PRKG2: variants seen among roughly 807,000 people sequenced by gnomAD.
PRKG2 encodes cGMP-dependent protein kinase 2.
In PRKG2, 33 loss-of-function variants were observed where a neutral mutation model predicts 97.2. That is an observed-to-expected ratio of 0.34 (90% CI 0.26 to 0.45). The LOEUF is 0.45. Ranked by LOEUF, PRKG2 falls within the 20% of genes least tolerant of loss-of-function variation. The pLI is 1.00. For synonymous variants in PRKG2, 330 were observed against 321.8 expected (o/e 1.03, Z -0.27); for missense variants, 638 against 900.0 (o/e 0.71, Z 3.73).
intron 9 of PRKG2, among the ~76,000 whole-genome samples, chr4:81,148,524 A>C (rs1372628855): frequency 6.6e-6 from 1 of 152,192 alleles, no homozygotes; most frequent in Non-Finnish European, 1.5e-5. Context: ...TTGACCACTA[A>C]AGGCATTTTA....
chr4:81,206,437 G>C (rs1324429722), intron 1 of PRKG2, among the ~76,000 whole-genome samples: 1 of 152,122 alleles, frequency 6.6e-6, no homozygotes, highest in Non-Finnish European at 1.5e-5. Context: ...AGGGGAGTTT[G>C]CCTTTGCTTT....
At chr4:81,160,949 CTTAA>C (rs1037469868) in intron 6 of PRKG2, among the ~76,000 whole-genome samples, 6 of 152,070 alleles carry the variant, frequency 3.9e-5, no homozygotes, top group African/African-American at 1.4e-4. Context: ...AGATGGATCT[CTTAA>C]TTATTTATAC....
chr4:81,169,348 C>A (rs1750259095), intron 5 of PRKG2, among the ~76,000 whole-genome samples: 1 of 152,158 alleles, frequency 6.6e-6, no homozygotes, highest in African/African-American at 2.4e-5. Context: ...ATTTCAAATG[C>A]CTTTCAAAGC....
rs1747433043 is a variant in PRKG2 at position 81,142,897 on chromosome 4, A to G, written c.1304T>C (p.Ile435Thr). The G allele has an allele frequency of 3.7e-6, 6 of 1,613,482 alleles. No homozygotes were observed. In the South Asian group the frequency reaches 6.6e-5, roughly 18 times the overall value. ...TCTGGCCACCTTCTCCTTCAGCTGA[A>G]TCATTTCCAGAGAGAGTGCTTTGGA... Reference protein sequence around the residue: ...KLSKALSLEMIQLKEKVARFS... With the variant: ...KLSKALSLEMTQLKEKVARFS... The change falls in exon 11 of 19, where the codon ATT becomes ACT. Residue 435 changes from isoleucine to threonine, a missense_variant. Coordinates refer to ENST00000264399, the MANE Select transcript of PRKG2 (RefSeq NM_006259.3).
At chr4:81,169,539 T>C in intron 5 of PRKG2, 124 bp downstream of exon 5, 1 of 707,504 alleles carries the variant, frequency 1.4e-6, no homozygotes, top group Non-Finnish European at 2.4e-6. Context: ...GTTCCTTTGG[T>C]TTAGTCATGT....
At chr4:81,148,274 G>A (rs904127404) in intron 9 of PRKG2, among the ~76,000 whole-genome samples, 6 of 152,164 alleles carry the variant, frequency 3.9e-5, no homozygotes, top group East Asian at 3.9e-4. Context: ...ATTTTGTCAA[G>A]TAGATAACCA....
chr4:81,168,534 C>CT (rs999602935), intron 5 of PRKG2, among the ~76,000 whole-genome samples: 1 of 152,090 alleles, frequency 6.6e-6, no homozygotes, highest in African/African-American at 2.4e-5. Context: ...TTAGGTACCT[C>CT]TTTTTGGCCC....
chr4:81,132,123 C>T (rs776931650), intron 14 of PRKG2, among the ~76,000 whole-genome samples: 1 of 151,324 alleles, frequency 6.6e-6, no homozygotes, highest in Non-Finnish European at 1.5e-5. Context: ...AGGTCTCATA[C>T]TTTTTACATA....
intron 2 of PRKG2, among the ~76,000 whole-genome samples, chr4:81,189,616 T>G: frequency 6.9e-6 from 1 of 145,944 alleles, no homozygotes; most frequent in African/African-American, 2.7e-5. Flanking sequence ...TGTTGTGGGG[T>G]AGAGGGAGTG....
intron 8 of PRKG2, among the ~76,000 whole-genome samples, 153 bp from the exon 9 acceptor site, chr4:81,149,105 C>CA (rs1578422902): frequency 1.3e-5 from 2 of 152,132 alleles, no homozygotes; most frequent in East Asian, 1.9e-4. Flanking sequence ...TATATCCCCC[C>CA]AAAAAAAGAT....
Position 81,205,036 on chromosome 4 carries a change from A to G in PRKG2, c.12T>C (p.Gly4=), listed in dbSNP as rs1578524978. The G allele has an allele frequency of 6.2e-7, 1 of 1,603,692 alleles. No homozygotes were observed. Among genetic ancestry groups the G allele is most frequent in the South Asian group, 1.1e-5 (1 of 89,336 alleles). MGN[G]SVKPKHSKHP... ...GCTTAGAATGTTTAGGTTTCACTGA[A>G]CCATTTCCCATTTTGCTCAGGGACC... Residue 4 remains glycine (G), a synonymous_variant, in exon 2 of 19, where the codon GGT becomes GGC. Coordinates refer to ENST00000264399, the MANE Select transcript of PRKG2 (RefSeq NM_006259.3).
chr4:81,136,835 A>C (rs1019900113), intron 13 of PRKG2, among the ~76,000 whole-genome samples: 2 of 151,928 alleles, frequency 1.3e-5, no homozygotes, highest in Admixed American at 6.6e-5. Flanking sequence ...AACTCATTAG[A>C]GGTAAAGTTT....
At chr4:81,097,879 A>C (rs1037960681) in intron 17 of PRKG2, among the ~76,000 whole-genome samples, 4 of 152,202 alleles carry the variant, frequency 2.6e-5, no homozygotes, top group Admixed American at 6.6e-5. Flanking sequence ...TTTGGGTTAA[A>C]GAAATGTTGT....
intron 5 of PRKG2, among the ~76,000 whole-genome samples, chr4:81,169,190 A>G (rs547427754): frequency 4.5e-4 from 69 of 152,212 alleles, no homozygotes; most frequent in Non-Finnish European, 1.5e-5. Context: ...TCAATTTGCT[A>G]CAAATAATAG....
At chr4:81,174,995 A>G in intron 2 of PRKG2, 36 bp from the exon 3 acceptor site, 1 of 1,511,780 alleles carries the variant, frequency 6.6e-7, no homozygotes, top group South Asian at 1.3e-5. Flanking sequence ...GTTACAATTA[A>G]TGAAAATCAT....
chr4:81,184,658 G>A (rs1471270659), intron 2 of PRKG2, among the ~76,000 whole-genome samples: 1 of 152,188 alleles, frequency 6.6e-6, no homozygotes. Context: ...ATTGACAGAA[G>A]TAGGCTTCAG....
chr4:81,158,755 G>C (rs574747657), intron 6 of PRKG2, among the ~76,000 whole-genome samples: 36 of 152,210 alleles, frequency 2.4e-4, no homozygotes, highest in African/African-American at 8.0e-4. Flanking sequence ...CAGAGATATA[G>C]ATCAATGGAA....
At chr4:81,209,660 ATTTG>A (rs1006646082) in intron 1 of PRKG2, among the ~76,000 whole-genome samples, 8 of 152,178 alleles carry the variant, frequency 5.3e-5, no homozygotes, top group Admixed American at 2.0e-4. Flanking sequence ...AGCATATAGT[ATTTG>A]TTTAAGAAAT....
At chr4:81,189,378 A>T (rs1384433433) in intron 2 of PRKG2, among the ~76,000 whole-genome samples, 1 of 131,628 alleles carries the variant, frequency 7.6e-6, no homozygotes, top group Non-Finnish European at 1.5e-5. Flanking sequence ...ATGTCAACAC[A>T]CACAAAAAAA....
Sources: gnomAD v4.1 joint callset for allele counts (sites outside exome capture counted in the v4.1 genomes callset) on GRCh38, gnomAD v4.1.1 for gene constraint, MANE v1.5 for transcripts, NCBI Gene and HGNC (gene_info 2026-07-23, HGNC 2026-07-21) for gene names.